Variants in MAP2 observed in about 807,000 individuals in gnomAD.
MAP2 encodes the protein microtubule-associated protein 2.
A neutral mutation model predicts 137.6 loss-of-function variants in MAP2; 14 were observed. The observed-to-expected ratio is 0.10, with a 90% CI of 0.07 to 0.16. MAP2 has a LOEUF of 0.16. Ranked by LOEUF, MAP2 falls within the 10% of genes least tolerant of loss-of-function variation. The pLI is 1.00. For missense variants in MAP2, 2,088 were observed against 2,191.5 expected (o/e 0.95, Z 0.94); for synonymous variants, 786 against 782.3 (o/e 1.00, Z -0.08).
At chr2:209,712,791 A>G (rs545634540) in intron 13 of MAP2, among the ~76,000 whole-genome samples, 46 of 152,266 alleles carry the variant, frequency 3.0e-4, no homozygotes, top group African/African-American at 1.1e-3. Flanking sequence ...GACTGAAGGA[A>G]AAGTATTTTA....
intron 1 of MAP2, among the ~76,000 whole-genome samples, chr2:209,477,645 C>T (rs971183934): frequency 3.3e-5 from 5 of 152,136 alleles, no homozygotes; most frequent in Non-Finnish European, 7.4e-5. Context: ...CTCCCCTTCT[C>T]TGCATCCCTT....
At chr2:209,426,357 C>T (rs927174124) in intron 1 of MAP2, among the ~76,000 whole-genome samples, 3 of 151,912 alleles carry the variant, frequency 2.0e-5, no homozygotes, top group Non-Finnish European at 4.4e-5. Context: ...TTATTTATCT[C>T]CTCTCTTATT....
At chr2:209,686,169 C>G (rs1037423554) in intron 7 of MAP2, among the ~76,000 whole-genome samples, 3 of 152,252 alleles carry the variant, frequency 2.0e-5, no homozygotes, top group East Asian at 3.9e-4. Flanking sequence ...GCTGCGAAAT[C>G]GTGCCGAGTT....
intron 3 of MAP2, among the ~76,000 whole-genome samples, chr2:209,614,701 G>T (rs2088490748): frequency 6.6e-6 from 1 of 152,132 alleles, no homozygotes; most frequent in African/African-American, 2.4e-5. Flanking sequence ...AATGTTGGCT[G>T]CCACTGTTAA....
rs912963634 is a variant in MAP2, at chr2:209,453,924, G to C, written c.-222+29648G>C. ...CCCAGAACTTTGGGAGGCCCAGACGGGTGGATCACAAGGTCAGGAGATCAA... is the reference window on the plus strand; with the variant it reads ...CCCAGAACTTTGGGAGGCCCAGACGCGTGGATCACAAGGTCAGGAGATCAA... On this transcript the variant is annotated intron_variant, in intron 1 of 15. Coordinates refer to ENST00000682079, the MANE Select transcript of MAP2 (RefSeq NM_001375505.1). Among the ~76,000 whole-genome samples, 3 of 152,010 alleles carry C rather than the reference G, an allele frequency of 2.0e-5. No homozygotes were observed. The South Asian group carries it at 6.2e-4, about 32-fold the overall frequency.
At chr2:209,482,461 TC>T (rs1456997349) in intron 1 of MAP2, among the ~76,000 whole-genome samples, 4 of 152,202 alleles carry the variant, frequency 2.6e-5, no homozygotes, top group Non-Finnish European at 4.4e-5. Flanking sequence ...AGAGTCAGCC[TC>T]TCTAAAAGCT....
In MAP2 at chr2:209,424,710, C is replaced by T. The variant is rs142065719; in HGVS notation, c.-222+434C>T. Among the ~76,000 whole-genome samples, 674 of 152,286 alleles carry T rather than the reference C, an allele frequency of 4.4e-3. 9 individuals carry two copies. Among genetic ancestry groups the T allele is most frequent in the African/African-American group, 0.016 (653 of 41,564 alleles). On this transcript the variant is annotated intron_variant, in intron 1 of 15. Transcript: ENST00000682079. ...TCATCCAGCTGCAGAGAACTGCACA[C>T]TGGGAAGTGAGTGAGTGAGGGAAGC...
intron 7 of MAP2, among the ~76,000 whole-genome samples, chr2:209,689,105 G>C (rs2153705946): frequency 6.6e-6 from 1 of 152,142 alleles, no homozygotes; most frequent in Middle Eastern, 3.4e-3. Context: ...AACTTGATTA[G>C]ACTTTATCCA....
chr2:209,614,788 C>A (rs1413549508), intron 3 of MAP2, among the ~76,000 whole-genome samples: 4 of 152,078 alleles, frequency 2.6e-5, no homozygotes, highest in African/African-American at 7.2e-5. Flanking sequence ...CCAGCTTAGT[C>A]CCCACTGTGC....
intron 5 of MAP2, among the ~76,000 whole-genome samples, chr2:209,677,158 C>G (rs1583166639): frequency 6.6e-6 from 1 of 151,842 alleles, no homozygotes; most frequent in East Asian, 1.9e-4. Flanking sequence ...AGTAGCATAG[C>G]AGATAATCCT....
rs2076070678 is a variant in MAP2, at chr2:209,733,615, T to G, written c.*3218T>G. The G allele has an allele frequency of 6.6e-6, 1 of 152,166 alleles. No individual in the cohort carries two copies. The highest frequency in any genetic ancestry group is 6.5e-5 in the Admixed American group (1 of 15,272). 9.4% of individuals were successfully genotyped at this position (152,166 alleles called of 1,614,324 possible). ...TAGCTGCAATTACAGTTTTCTTCTA[T>G]TTTTCAAGCCACAATAAGGAAAATA... On this transcript the variant is annotated 3_prime_UTR_variant, in exon 16 of 16. Transcript: ENST00000682079.
At chr2:209,440,657 T>A (rs1697535909) in intron 1 of MAP2, among the ~76,000 whole-genome samples, 1 of 151,364 alleles carries the variant, frequency 6.6e-6, no homozygotes, top group South Asian at 2.1e-4. Context: ...GACAGGTAAG[T>A]TTTTTTTGTT....
At chr2:209,498,268 C>T (rs13010146) in intron 1 of MAP2, among the ~76,000 whole-genome samples, 1 of 152,202 alleles carries the variant, frequency 6.6e-6, no homozygotes, top group Non-Finnish European at 1.5e-5. Flanking sequence ...TGTCTTACAT[C>T]CACAGCACAC....
chr2:209,645,564 T>A (rs1231118476), intron 4 of MAP2, among the ~76,000 whole-genome samples: 2 of 152,178 alleles, frequency 1.3e-5, no homozygotes, highest in Non-Finnish European at 2.9e-5. Flanking sequence ...TATGAGACAT[T>A]TTGTGTGGAA....
chr2:209,544,304 T>C (rs16843066), intron 2 of MAP2, among the ~76,000 whole-genome samples: 4,117 of 152,232 alleles, frequency 0.027, 193 homozygotes, highest in African/African-American at 0.094. Flanking sequence ...GTTTTTTGTC[T>C]TCTAGCCCAG....
chr2:209,587,786 G>C (rs895879367), intron 3 of MAP2, among the ~76,000 whole-genome samples: 3 of 152,054 alleles, frequency 2.0e-5, no homozygotes, highest in Admixed American at 6.6e-5. Context: ...TTTGCTTAAG[G>C]GGCTAGTTCT....
chr2:209,677,457 T>C (rs1434488198), intron 5 of MAP2, among the ~76,000 whole-genome samples: 2 of 150,938 alleles, frequency 1.3e-5, no homozygotes, highest in African/African-American at 2.5e-5. Context: ...TGTTGCTCAA[T>C]TGTGGCTCAT....
chr2:209,714,265 G>A (rs1020789676), intron 13 of MAP2, among the ~76,000 whole-genome samples: 22 of 152,168 alleles, frequency 1.4e-4, no homozygotes, highest in Non-Finnish European at 8.8e-5. Flanking sequence ...ATAATTGAAA[G>A]TTACTAAAGA....
chr2:209,439,309 A>G (rs1360830973), intron 1 of MAP2, among the ~76,000 whole-genome samples: 1 of 151,608 alleles, frequency 6.6e-6, no homozygotes, highest in Admixed American at 6.6e-5. Context: ...TAAGGTCCAC[A>G]TTTATTAATA....
Sources: allele counts gnomAD v4.1 joint callset (sites outside exome capture counted in the v4.1 genomes callset), GRCh38; gene constraint gnomAD v4.1.1; transcripts MANE v1.5; gene names NCBI Gene and HGNC (gene_info 2026-07-23, HGNC 2026-07-21).